Variants in IL1RAPL2 observed in about 807,000 individuals in gnomAD.
IL1RAPL2 encodes the protein interleukin 1 receptor accessory protein like 2, also known as X-linked interleukin-1 receptor accessory protein-like 2.
IL1RAPL2 carries 3 observed loss-of-function variants against 44.1 expected under a neutral mutation model. The observed-to-expected ratio is 0.07, with a 90% CI of 0.03 to 0.18. The LOEUF is 0.18. Ranked by LOEUF, IL1RAPL2 falls within the 10% of genes least tolerant of loss-of-function variation. The pLI, the probability that IL1RAPL2 is intolerant of heterozygous loss-of-function variation, is 1.00. For synonymous variants in IL1RAPL2, 181 were observed against 178.8 expected, an observed-to-expected ratio of 1.01 and a Z score of -0.10; for missense variants, 391 against 496.4, an observed-to-expected ratio of 0.79 and a Z score of 2.02.
chrX:105,393,758 A>G (rs2035543255), intron 5 of IL1RAPL2, among the ~76,000 whole-genome samples: 1 of 111,553 alleles, frequency 9.0e-6, no homozygotes, highest in Non-Finnish European at 1.9e-5. Flanking sequence ...TGGTGATCCC[A>G]TGAAGACCTC....
intron 1 of IL1RAPL2, among the ~76,000 whole-genome samples, chrX:104,657,620 A>C (rs902343198): frequency 8.9e-6 from 1 of 111,915 alleles, no homozygotes; most frequent in Non-Finnish European, 1.9e-5. Flanking sequence ...AAATTGACAA[A>C]GGGGATCTAA....
At chrX:104,886,809 C>T (rs1923259993) in intron 2 of IL1RAPL2, among the ~76,000 whole-genome samples, 1 of 112,171 alleles carries the variant, frequency 8.9e-6, no homozygotes, top group Admixed American at 9.4e-5. Context: ...TAGGGATAGC[C>T]CTCATCCGTT....
chrX:104,892,778 G>A (rs1221605551), intron 2 of IL1RAPL2, among the ~76,000 whole-genome samples: 7 of 111,222 alleles, frequency 6.3e-5, no homozygotes, highest in African/African-American at 2.3e-4. Flanking sequence ...AGGGTTTTTT[G>A]TATCTCTATC....
chrX:105,486,182 A>G (rs1175848657), intron 6 of IL1RAPL2, among the ~76,000 whole-genome samples: 2 of 111,742 alleles, frequency 1.8e-5, no homozygotes, highest in African/African-American at 6.5e-5. Context: ...ACCTCCTTGT[A>G]GTTTTTGGAA....
At chrX:104,819,250 C>A (rs980485984) in intron 2 of IL1RAPL2, among the ~76,000 whole-genome samples, 2 of 112,025 alleles carry the variant, frequency 1.8e-5, no homozygotes, top group African/African-American at 6.5e-5. Flanking sequence ...GCAGATAGTT[C>A]CCAACTTATG....
At chrX:105,043,524 G>A (rs1451525248) in intron 2 of IL1RAPL2, among the ~76,000 whole-genome samples, 2 of 105,663 alleles carry the variant, frequency 1.9e-5, no homozygotes, top group Non-Finnish European at 3.9e-5. Flanking sequence ...ACTGAAATAA[G>A]TCCCTTCCGT....
chrX:105,229,390 C>T (rs1333687630), intron 3 of IL1RAPL2, among the ~76,000 whole-genome samples: 1 of 111,986 alleles, frequency 8.9e-6, no homozygotes, highest in Non-Finnish European at 1.9e-5. Context: ...GTTCTAGGGA[C>T]CTCGGTCATC....
At chrX:105,686,559 C>T (rs747610169) in intron 6 of IL1RAPL2, among the ~76,000 whole-genome samples, 1 of 110,217 alleles carries the variant, frequency 9.1e-6, no homozygotes, top group South Asian at 3.9e-4. Context: ...ACAGGAGCAC[C>T]CAGATTCATA....
intron 4 of IL1RAPL2, among the ~76,000 whole-genome samples, chrX:105,261,933 C>T (rs1346488668): frequency 8.9e-6 from 1 of 111,811 alleles, no homozygotes; most frequent in Non-Finnish European, 1.9e-5. Context: ...TTCTCTCCCA[C>T]CCACTACTTG....
intron 3 of IL1RAPL2, among the ~76,000 whole-genome samples, chrX:105,217,664 G>A (rs889281296): frequency 6.3e-5 from 7 of 111,895 alleles, no homozygotes; most frequent in African/African-American, 1.6e-4. Context: ...TGTTTATTGC[G>A]GCACTATTCA....
At chrX:104,717,529 CTATT>C (rs1479991100) in intron 2 of IL1RAPL2, among the ~76,000 whole-genome samples, 1 of 109,183 alleles carries the variant, frequency 9.2e-6, no homozygotes, top group Non-Finnish European at 1.9e-5. Flanking sequence ...GAAGGTAGGC[CTATT>C]TATTTGTAAG....
chrX:105,189,386 A>C (rs1361177006), intron 2 of IL1RAPL2, among the ~76,000 whole-genome samples: 2 of 111,558 alleles, frequency 1.8e-5, no homozygotes, highest in South Asian at 3.8e-4. Context: ...GATTACAGGC[A>C]TGCCCCGCTA....
intron 3 of IL1RAPL2, chrX:105,220,172 C>T: frequency 8.3e-7 from 1 of 1,211,261 alleles, no homozygotes; most frequent in Non-Finnish European, 1.1e-6. Flanking sequence ...GCAAAGCGCA[C>T]TCCCAAGGCC....
At chrX:105,644,449 A>G (rs2037591563) in intron 6 of IL1RAPL2, among the ~76,000 whole-genome samples, 1 of 111,192 alleles carries the variant, frequency 9.0e-6, no homozygotes, top group Admixed American at 9.6e-5. Context: ...AGCAAGCCAC[A>G]GCAACCTCAT....
chrX:104,612,356 G>T (rs1283013561), intron 1 of IL1RAPL2, among the ~76,000 whole-genome samples: 1 of 111,760 alleles, frequency 8.9e-6, no homozygotes, highest in Non-Finnish European at 1.9e-5. Flanking sequence ...GTTAATTTTT[G>T]TATATGATGA....
At chrX:105,140,986 C>G (rs951879604) in intron 2 of IL1RAPL2, among the ~76,000 whole-genome samples, 3 of 110,955 alleles carry the variant, frequency 2.7e-5, no homozygotes, top group African/African-American at 9.8e-5. Flanking sequence ...AAGCCCTTGC[C>G]CTGATATTCA....
intron 5 of IL1RAPL2, among the ~76,000 whole-genome samples, chrX:105,366,908 T>C (rs1198642881): frequency 1.8e-5 from 2 of 111,759 alleles, no homozygotes; most frequent in African/African-American, 6.5e-5. Context: ...TCTGTCTAGA[T>C]GATCTGTCCA....
intron 6 of IL1RAPL2, among the ~76,000 whole-genome samples, chrX:105,580,031 T>C (rs1442964212): frequency 8.9e-6 from 1 of 111,835 alleles, no homozygotes; most frequent in Non-Finnish European, 1.9e-5. Flanking sequence ...ACAAATTGCT[T>C]TCACAACTTC....
intron 5 of IL1RAPL2, among the ~76,000 whole-genome samples, chrX:105,362,003 G>A (rs187027208): frequency 3.6e-5 from 4 of 111,469 alleles, no homozygotes; most frequent in African/African-American, 6.5e-5. Flanking sequence ...AACATTTCAG[G>A]CCTTTACTGA....
Sources: allele counts gnomAD v4.1 joint callset (sites outside exome capture counted in the v4.1 genomes callset), GRCh38; gene constraint gnomAD v4.1.1; transcripts MANE v1.5; gene names NCBI Gene and HGNC (gene_info 2026-07-23, HGNC 2026-07-21).